Variants in SH3PXD2A observed in about 807,000 individuals in gnomAD.
The protein encoded by SH3PXD2A is SH3 and PX domain-containing protein 2A.
SH3PXD2A carries 32 observed loss-of-function variants against 115.2 expected under a neutral mutation model. The observed-to-expected ratio is 0.28, with a 90% CI of 0.21 to 0.37. The LOEUF (loss-of-function observed/expected upper bound fraction) is 0.37, where lower values mean the gene tolerates loss of function less well. Ranked by LOEUF, SH3PXD2A falls within the 10% of genes least tolerant of loss-of-function variation. The pLI is 1.00. For missense variants in SH3PXD2A, 1,328 were observed against 1,498.7 expected, an observed-to-expected ratio of 0.89 and a Z score of 1.88; for synonymous variants, 610 against 629.1, an observed-to-expected ratio of 0.97 and a Z score of 0.45.
chr10:103,839,440 A>G (rs2039575979), intron 1 of SH3PXD2A, among the ~76,000 whole-genome samples: 1 of 152,200 alleles, frequency 6.6e-6, no homozygotes, highest in Non-Finnish European at 1.5e-5. Flanking sequence ...TGTGCCTGGC[A>G]GTGTTTTGAG....
intron 1 of SH3PXD2A, among the ~76,000 whole-genome samples, chr10:103,805,533 A>ACT (rs2039193254): frequency 6.6e-6 from 1 of 152,192 alleles, no homozygotes; most frequent in African/African-American, 2.4e-5. Context: ...CTAGCCTAGG[A>ACT]CTACTCTGCA....
intron 1 of SH3PXD2A, among the ~76,000 whole-genome samples, chr10:103,831,679 C>A (rs1231931524): frequency 6.6e-6 from 1 of 152,142 alleles, no homozygotes; most frequent in African/African-American, 2.4e-5. Context: ...AATTAATTAA[C>A]TAATTAAAGT....
At chr10:103,765,150 G>A (rs2038740657) in intron 3 of SH3PXD2A, among the ~76,000 whole-genome samples, 2 of 152,144 alleles carry the variant, frequency 1.3e-5, no homozygotes, top group Admixed American at 6.5e-5. Flanking sequence ...TCTCTGTATT[G>A]GTAATCAGCA....
At chr10:103,729,293 C>T (rs2038285517) in intron 4 of SH3PXD2A, among the ~76,000 whole-genome samples, 1 of 152,192 alleles carries the variant, frequency 6.6e-6, no homozygotes, top group Admixed American at 6.5e-5. Context: ...TATTTGACTG[C>T]GGTGCTGATT....
intron 11 of SH3PXD2A, among the ~76,000 whole-genome samples, chr10:103,614,612 C>T (rs1179915656): frequency 2.0e-5 from 3 of 152,180 alleles, no homozygotes; most frequent in African/African-American, 7.2e-5. Context: ...GTTGAGTTTT[C>T]ACCCAAACCC....
chr10:103,725,994 GT>G (rs2038236844), intron 4 of SH3PXD2A, among the ~76,000 whole-genome samples: 1 of 152,188 alleles, frequency 6.6e-6, no homozygotes, highest in African/African-American at 2.4e-5. Flanking sequence ...GAGGCCGGGT[GT>G]AGCCCCGTTT....
intron 1 of SH3PXD2A, among the ~76,000 whole-genome samples, chr10:103,806,450 C>T (rs1176087338): frequency 6.6e-6 from 1 of 151,984 alleles, no homozygotes; most frequent in Non-Finnish European, 1.5e-5. Context: ...GCTGGCCTTG[C>T]CAGCACTGGA....
At chr10:103,831,804 GTTAT>G (rs2039485045) in intron 1 of SH3PXD2A, among the ~76,000 whole-genome samples, 1 of 152,110 alleles carries the variant, frequency 6.6e-6, no homozygotes, top group South Asian at 2.1e-4. Context: ...GCAGTTAGTA[GTTAT>G]TCTCCATTCC....
chr10:103,635,311 G>A (rs925411099), intron 8 of SH3PXD2A, among the ~76,000 whole-genome samples: 6 of 152,226 alleles, frequency 3.9e-5, no homozygotes, highest in Admixed American at 1.3e-4. Flanking sequence ...GGGAGGTGGG[G>A]CAGGGAGCTT....
chr10:103,801,157 C>A, intron 2 of SH3PXD2A, 125 bp downstream of exon 2: 1 of 647,930 alleles, frequency 1.5e-6, no homozygotes, highest in Non-Finnish European at 2.8e-6. Context: ...CTCCTCTGTC[C>A]CTCTGCTCCC....
chr10:103,801,369 G>A lies in SH3PXD2A; in HGVS notation c.73-7C>T. ...TCACATTGATTATGTATACCTGTGGGAAAAAGGTAAGAGCAGGTGAGCAAG... is the reference window on the plus strand; with the variant it reads ...TCACATTGATTATGTATACCTGTGGAAAAAAGGTAAGAGCAGGTGAGCAAG... On this transcript the variant is annotated splice_region_variant and splice_polypyrimidine_tract_variant and intron_variant, in intron 1 of 14. Transcript: ENST00000369774. 1.3e-6 allele frequency: 2 copies of A among 1,587,824 alleles called. No individual in the cohort carries two copies. Among genetic ancestry groups the A allele is most frequent in the Non-Finnish European group, 1.7e-6 (2 of 1,156,224 alleles).
chr10:103,805,568 A>C (rs2039193839), intron 1 of SH3PXD2A, among the ~76,000 whole-genome samples: 1 of 152,220 alleles, frequency 6.6e-6, no homozygotes, highest in Admixed American at 6.5e-5. Flanking sequence ...CCCCCCTCGG[A>C]AAAGTTCTTT....
At position 103,613,115 on chromosome 10, in the gene SH3PXD2A, C is replaced by G. The variant is rs1184644032; in HGVS notation, c.996G>C (p.Lys332Asn). Residue 332 changes from lysine to asparagine, a missense_variant, in exon 12 of 15, where the codon AAG becomes AAC. By Grantham distance (94) the Lys-to-Asn change is moderately conservative (BLOSUM62 0). Transcript: ENST00000369774. ...KAKDDLPTRK[K>N]NLAGPVEIIG... is the part of the protein sequence containing the mutation. The stretch of plus-strand genomic sequence containing the variant: ...TGATCTCCACTGGGCCGGCCAGGTT[C>G]TTCTTCCGGGTTGGCAGGTCATCCT... 3.1e-6 allele frequency: 5 copies of G among 1,613,928 alleles called. No individual in the cohort carries two copies. Among genetic ancestry groups the G allele is most frequent in the Non-Finnish European group, 2.5e-6 (3 of 1,179,994 alleles).
intron 5 of SH3PXD2A, among the ~76,000 whole-genome samples, chr10:103,698,246 G>A (rs981646545): frequency 6.6e-6 from 1 of 152,246 alleles, no homozygotes; most frequent in African/African-American, 2.4e-5. Flanking sequence ...GGCCGGCTCT[G>A]TGGAAGGGTG....
At chr10:103,779,257 G>A (rs1032231399) in intron 2 of SH3PXD2A, among the ~76,000 whole-genome samples, 2 of 152,164 alleles carry the variant, frequency 1.3e-5, no homozygotes, top group Non-Finnish European at 2.9e-5. Context: ...TAGTAGAGAC[G>A]GGGTTTCCTC....
intron 2 of SH3PXD2A, 112 bp from the exon 3 acceptor site, chr10:103,767,281 G>A: frequency 1.3e-6 from 1 of 756,358 alleles, no homozygotes. Flanking sequence ...ACACGGATGA[G>A]TGACGCCTGA....
At chr10:103,708,013 G>GC (rs1430669763) in intron 5 of SH3PXD2A, among the ~76,000 whole-genome samples, 1 of 152,064 alleles carries the variant, frequency 6.6e-6, no homozygotes, top group East Asian at 1.9e-4. Flanking sequence ...CACACCCACA[G>GC]CCCCCACAGT....
intron 5 of SH3PXD2A, among the ~76,000 whole-genome samples, chr10:103,697,642 C>A (rs1245651851): frequency 6.6e-6 from 1 of 152,162 alleles, no homozygotes; most frequent in Non-Finnish European, 1.5e-5. Flanking sequence ...AAGGAGTGGC[C>A]AACTCTCAGA....
At chr10:103,694,523 A>T (rs2037802173) in intron 5 of SH3PXD2A, among the ~76,000 whole-genome samples, 1 of 104,332 alleles carries the variant, frequency 9.6e-6, no homozygotes, top group Non-Finnish European at 1.9e-5. Context: ...CCACTTAATC[A>T]GAATGCTGGG....
Sources: gnomAD v4.1 joint callset for allele counts (sites outside exome capture counted in the v4.1 genomes callset) on GRCh38, gnomAD v4.1.1 for gene constraint, MANE v1.5 for transcripts, NCBI Gene and HGNC (gene_info 2026-07-23, HGNC 2026-07-21) for gene names.